The following STAB2 variants were observed in gnomAD, a reference collection of about 807,000 sequenced individuals.
STAB2 encodes stabilin 2, also known as stabilin-2.
Under a neutral mutation model 338.1 loss-of-function variants are expected in STAB2, and 288 were observed. That is an observed-to-expected ratio of 0.85 (90% CI 0.77 to 0.94). The LOEUF (loss-of-function observed/expected upper bound fraction) is 0.94, where lower values mean the gene tolerates loss of function less well. STAB2 is among the 40% of genes least tolerant of loss of function. The probability of loss-of-function intolerance (pLI) is 0.00; values close to 1 mark genes in which losing one functional copy is unlikely to be tolerated. For synonymous variants in STAB2, 1,202 were observed against 1,193.3 expected (o/e 1.01, Z -0.15); for missense variants, 3,141 against 3,210.1 (o/e 0.98, Z 0.52).
chr12:103,741,854 T>G (rs866627886), intron 55 of STAB2, among the ~76,000 whole-genome samples: 2 of 152,202 alleles, frequency 1.3e-5, no homozygotes, highest in Non-Finnish European at 2.9e-5. Flanking sequence ...TGATTTTTAC[T>G]AGCATGCATA....
intron 52 of STAB2, 134 bp downstream of exon 52, chr12:103,735,714 A>G (rs1555250196): frequency 5.6e-6 from 4 of 709,698 alleles, no homozygotes; most frequent in Non-Finnish European, 8.9e-6. Flanking sequence ...TTTTCTCACT[A>G]CCTTCAGAGG....
At position 103,706,957 on chromosome 12, in the gene STAB2, G is replaced by A. The variant is rs201498539; in HGVS notation, c.4162G>A (p.Glu1388Lys). Residue 1388 changes from glutamate to lysine, a missense_variant, in exon 38 of 69, where the codon GAG becomes AAG. Glu to Lys is a moderately conservative substitution (Grantham distance 56, BLOSUM62 1). Transcript: ENST00000388887. ...CGGCACAGCCTGCGAGACCTGCACC[G>A]AGGGCAAGTACGGCATCCACTGTGA... Reference protein sequence around the residue: ...FSGTACETCTEGKYGIHCDQA... With the variant: ...FSGTACETCTKGKYGIHCDQA... 631 of 1,614,208 alleles carry A rather than the reference G, an allele frequency of 3.9e-4. 4 individuals are homozygous for A. The highest frequency in any genetic ancestry group is 1.8e-3 in the Middle Eastern group (11 of 6,062).
intron 63 of STAB2, among the ~76,000 whole-genome samples, chr12:103,756,999 ATATATATAT>A (rs1566082361): frequency 0.22 from 10,332 of 47,212 alleles, 751 homozygotes; most frequent in African/African-American, 0.31. Flanking sequence ...GAGGGAAAAT[ATATATATAT>A]ATATATATAT....
chr12:103,744,664 C>T (rs1176244126), intron 56 of STAB2, among the ~76,000 whole-genome samples: 4 of 150,602 alleles, frequency 2.7e-5, no homozygotes, highest in South Asian at 2.1e-4. Flanking sequence ...TTTGTAGATA[C>T]GGGGTTGCAC....
Position 103,740,669 on chromosome 12 carries a change from AG to A in STAB2, c.5796del (p.Asn1933ThrfsTer12). ...QKCLYNLPFK[R>X]NLEGCRERCS... ...GTGTCTCTACAACCTGCCCTTCAAG[AG>A]GAACCTGGAAGGCTGCCGGGAGCGG... On this transcript the variant is annotated frameshift_variant, in exon 55 of 69. Coordinates refer to ENST00000388887, the MANE Select transcript of STAB2 (RefSeq NM_017564.10). LOFTEE classifies it high-confidence loss of function. 1 of 1,612,158 alleles carries A rather than the reference AG, an allele frequency of 6.2e-7. No individual in the cohort carries two copies. Among genetic ancestry groups the A allele is most frequent in the Non-Finnish European group, 8.5e-7 (1 of 1,179,304 alleles).
intron 22 of STAB2, among the ~76,000 whole-genome samples, chr12:103,671,269 T>C (rs1009147178): frequency 5.9e-5 from 9 of 152,062 alleles, no homozygotes; most frequent in African/African-American, 2.2e-4. Flanking sequence ...CTGACCAACA[T>C]AGCAAAACCC....
intron 5 of STAB2, among the ~76,000 whole-genome samples, chr12:103,626,836 T>C (rs2138651949): frequency 6.6e-6 from 1 of 152,288 alleles, no homozygotes; most frequent in African/African-American, 2.4e-5. Context: ...TGCTTGTTGG[T>C]TTAGAGATAA....
At chr12:103,672,670 C>A (rs900987537) in intron 22 of STAB2, among the ~76,000 whole-genome samples, 3 of 152,124 alleles carry the variant, frequency 2.0e-5, no homozygotes, top group Non-Finnish European at 4.4e-5. Context: ...TCCAAGCCCC[C>A]CCAGTCCTTG....
intron 9 of STAB2, 112 bp from the exon 10 acceptor site, chr12:103,648,578 A>G (rs750771043): frequency 8.2e-5 from 117 of 1,433,306 alleles, no homozygotes; most frequent in Non-Finnish European, 9.9e-5. Context: ...TCTTGTCCCT[A>G]TTCAACCCTG....
rs966587907 is a variant in STAB2, at chr12:103,712,409, A to T, written c.4377A>T (p.Ala1459=). ...ATGGTACAGCTTCATGCAAGTGTGCAGCAGGATTCCAAGGAAACGGGACCA... is the reference window on the plus strand; with the variant it reads ...ATGGTACAGCTTCATGCAAGTGTGCTGCAGGATTCCAAGGAAACGGGACCA... ...NSDGTASCKC[A]AGFQGNGTIC... is the part of the protein sequence containing the mutation. The change falls in exon 41 of 69, where the codon GCA becomes GCT. Residue 1459 remains alanine (A), a synonymous_variant. Transcript: ENST00000388887. The T allele has an allele frequency of 1.2e-5, 19 of 1,614,006 alleles. No homozygotes were observed. Among genetic ancestry groups the T allele is most frequent in the Non-Finnish European group, 1.6e-5 (19 of 1,179,990 alleles).
Position 103,695,850 on chromosome 12 carries a change from T to G in STAB2, c.3582+6T>G. 1 of 1,611,996 alleles carries G rather than the reference T, an allele frequency of 6.2e-7. No homozygotes were observed. The highest frequency in any genetic ancestry group is 8.5e-7 in the Non-Finnish European group (1 of 1,178,060). ...AGAAGAAAGTCTTGTCTCTAGTAAG[T>G]GTCAAGAACTATAACTAGGGAAGTT... is the stretch of plus-strand genomic sequence containing the variant. On this transcript the variant is annotated splice_donor_region_variant and intron_variant, in intron 33 of 68. Transcript: ENST00000388887.
At position 103,689,975 on chromosome 12, in the gene STAB2, C is replaced by T. The variant is rs1877782384; in HGVS notation, c.3175C>T (p.Leu1059=). 6.2e-7 allele frequency: 1 copy of T among 1,612,626 alleles called. No individual in the cohort carries two copies. Among genetic ancestry groups the T allele is most frequent in the African/African-American group, 1.3e-5 (1 of 74,816 alleles). ...GTTGTCACAGAGCAATATTCCAGCC[C>T]TAATAAAGTAGGTGTTACTTATTTT... ...FWLSQSNIPA[L]IKYHMLLGTY... is the part of the protein sequence containing the mutation. Residue 1059 remains leucine, a synonymous_variant, in exon 29 of 69, where the codon CTA becomes TTA. Transcript: ENST00000388887.
rs943191194 is a variant in STAB2 at position 103,713,741 on chromosome 12, T to C, written c.4510T>C (p.Tyr1504His). 1 of 1,614,028 alleles carries C rather than the reference T, an allele frequency of 6.2e-7. No individual in the cohort carries two copies. The highest frequency in any genetic ancestry group is 1.1e-5 in the South Asian group (1 of 91,086). Residue 1504 changes from tyrosine to histidine, a missense_variant, in exon 42 of 69, where the codon TAC (tyrosine) becomes CAC (histidine). Transcript: ENST00000388887. ...GCGAGTGTGCACGTGCAAAGCAGGC[T>C]ACACGGGTGATGGCATTGTGTGCCT... ...GRRVCTCKAG[Y>H]TGDGIVCLEI... is the part of the protein sequence containing the mutation.
chr12:103,601,684 G>A (rs1024943922), intron 3 of STAB2, among the ~76,000 whole-genome samples: 2 of 152,196 alleles, frequency 1.3e-5, no homozygotes, highest in African/African-American at 2.4e-5. Flanking sequence ...TGAACCTGAA[G>A]AAATGCCTCC....
intron 55 of STAB2, 22 bp from the exon 56 acceptor site, chr12:103,742,383 A>G: frequency 2.5e-6 from 4 of 1,612,582 alleles, no homozygotes; most frequent in Non-Finnish European, 3.4e-6. Flanking sequence ...CTGTTGAGTC[A>G]CTGCTGTTTC....
chr12:103,717,153 A>G (rs1253250605), intron 43 of STAB2, among the ~76,000 whole-genome samples: 1 of 152,168 alleles, frequency 6.6e-6, no homozygotes, highest in African/African-American at 2.4e-5. Context: ...CAGTGAATAG[A>G]GTGTGAGCTG....
chr12:103,673,149 T>C (rs932568005), intron 22 of STAB2, among the ~76,000 whole-genome samples: 1 of 152,152 alleles, frequency 6.6e-6, no homozygotes, highest in Admixed American at 6.5e-5. Flanking sequence ...TAGCTACTTA[T>C]CAGGAGTCCT....
rs61343465 is a variant in STAB2, at chr12:103,653,710, AGATG to A, written c.1408-812_1408-809del. Among the ~76,000 whole-genome samples, 199 of 123,118 alleles carry A rather than the reference AGATG, an allele frequency of 1.6e-3. 2 individuals carry two copies. The highest frequency in any genetic ancestry group is 4.4e-3 in the South Asian group (15 of 3,382). The allele number at this position is 123,118 out of a possible 152,430, so 80.8% of individuals were successfully genotyped here. ...TGGATAGGTCACTGGATGGATGGAT[AGATG>A]GATGGATGGATGGATGGATGGATGG... On this transcript the variant is annotated intron_variant, in intron 12 of 68. Transcript: ENST00000388887.
At chr12:103,590,717 A>G (rs1956782846) in intron 1 of STAB2, among the ~76,000 whole-genome samples, 180 bp from the exon 2 acceptor site, 2 of 152,176 alleles carry the variant, frequency 1.3e-5, no homozygotes, top group Non-Finnish European at 2.9e-5. Context: ...ATTAATCTCA[A>G]TACTCTTTCC....
Sources: allele counts gnomAD v4.1 joint callset (sites outside exome capture counted in the v4.1 genomes callset), GRCh38; gene constraint gnomAD v4.1.1; transcripts MANE v1.5; gene names NCBI Gene and HGNC (gene_info 2026-07-23, HGNC 2026-07-21).